FLRT2: variants seen among roughly 807,000 people sequenced by gnomAD.
FLRT2 encodes leucine-rich repeat transmembrane protein FLRT2.
A neutral mutation model predicts 40.0 loss-of-function variants in FLRT2; 15 were observed. The observed-to-expected ratio is 0.38, with a 90% CI of 0.25 to 0.58. FLRT2 has a LOEUF of 0.58. Among genes scored for constraint, FLRT2 ranks in the 20% least tolerant of loss-of-function variants. FLRT2 has a pLI of 0.71. For synonymous variants in FLRT2, 380 were observed against 336.8 expected (o/e 1.13, Z -1.41); for missense variants, 726 against 840.0 (o/e 0.86, Z 1.68).
intron 1 of FLRT2, among the ~76,000 whole-genome samples, chr14:85,555,198 C>A (rs1288846588): frequency 6.6e-6 from 1 of 152,098 alleles, no homozygotes; most frequent in Admixed American, 6.6e-5. Context: ...GGTTAGCAGT[C>A]CTGATAACCT....
rs867641366 is a variant in FLRT2 at position 85,643,315 on chromosome 14, C to A, written c.*19818C>A. On this transcript the variant is annotated 3_prime_UTR_variant, in exon 2 of 2. Coordinates refer to ENST00000330753, the MANE Select transcript of FLRT2 (RefSeq NM_013231.6). ...TTTTTCTTTCTTTCTTTCTTTCTTT[C>A]TTTCTTTCTTTCTTTCTTTCTTTCT... is the stretch of plus-strand genomic sequence containing the variant. The A allele has an allele frequency of 2.0e-4, 21 of 102,872 alleles. No individual in the cohort carries two copies. Among genetic ancestry groups the A allele is most frequent in the African/African-American group, 8.9e-4 (21 of 23,528 alleles). The allele number at this position is 102,872 out of a possible 1,614,324, so 6.4% of individuals were successfully genotyped here.
chr14:85,627,848 T>C lies in FLRT2; in HGVS notation c.*4351T>C, dbSNP rs1237187455. 1 of 167,090 alleles carries C rather than the reference T, an allele frequency of 6.0e-6. No individual in the cohort carries two copies. The highest frequency in any genetic ancestry group is 2.4e-5 in the African/African-American group (1 of 41,444). 10.4% of individuals were successfully genotyped at this position (167,090 alleles called of 1,614,324 possible). ...CTGAGACCTACCATGTCGCACACTT[T>C]GTTAATGACAAACTTCACTCTACAC... On this transcript the variant is annotated 3_prime_UTR_variant, in exon 2 of 2. Transcript: ENST00000330753.
rs1210390362 is a variant in FLRT2, at chr14:85,630,531, G to T, written c.*7034G>T. The T allele has an allele frequency of 6.6e-6, 1 of 152,050 alleles. No homozygotes were observed. The highest frequency in any genetic ancestry group is 2.4e-5 in the African/African-American group (1 of 41,402). The allele number at this position is 152,050 out of a possible 1,614,324, so 9.4% of individuals were successfully genotyped here. A position where few individuals can be genotyped will look rare whatever the true frequency, so the allele number is the denominator to read the frequency against. The stretch of plus-strand genomic sequence containing the variant: ...ATTTACCGAGGCCTGGTAAGTTCTG[G>T]TGCAGAATAAGAATGTTTTCCAGGA... On this transcript the variant is annotated 3_prime_UTR_variant, in exon 2 of 2. Coordinates refer to ENST00000330753, the MANE Select transcript of FLRT2 (RefSeq NM_013231.6).
Position 85,637,320 on chromosome 14 carries a change from C to T in FLRT2, c.*13823C>T, listed in dbSNP as rs1213070544. 6.6e-6 allele frequency: 1 copy of T among 152,132 alleles called. No homozygotes were observed. Among genetic ancestry groups the T allele is most frequent in the Non-Finnish European group, 1.5e-5 (1 of 68,016 alleles). The allele number at this position is 152,132 out of a possible 1,614,324, so 9.4% of individuals were successfully genotyped here. A position where few individuals can be genotyped will look rare whatever the true frequency, so the allele number is the denominator to read the frequency against. On this transcript the variant is annotated 3_prime_UTR_variant, in exon 2 of 2. Coordinates refer to ENST00000330753, the MANE Select transcript of FLRT2 (RefSeq NM_013231.6). Reference sequence around the variant, plus strand: ...CATGGCATAGACATGGTAGGAAAAGCATTAGCTTTGGCGTTCAAATATTGA... The same window carrying T: ...CATGGCATAGACATGGTAGGAAAAGTATTAGCTTTGGCGTTCAAATATTGA...
intron 1 of FLRT2, among the ~76,000 whole-genome samples, chr14:85,564,368 C>T (rs1410588650): frequency 6.6e-6 from 1 of 152,090 alleles, no homozygotes; most frequent in African/African-American, 2.4e-5. Flanking sequence ...CACTGGTTTA[C>T]CTCATTTTAG....
rs1050708243 is a variant in FLRT2 at position 85,624,403 on chromosome 14, A to G, written c.*906A>G. ...GGGAAGAATTATATTGAATGGAATT[A>G]TTTTTGATAATGAGAATTATTTGGG... On this transcript the variant is annotated 3_prime_UTR_variant, in exon 2 of 2. Coordinates refer to ENST00000330753, the MANE Select transcript of FLRT2 (RefSeq NM_013231.6). The G allele has an allele frequency of 1.2e-5, 2 of 167,094 alleles. No individual in the cohort carries two copies. Among genetic ancestry groups the G allele is most frequent in the Non-Finnish European group, 2.9e-5 (2 of 68,124 alleles). 10.4% of individuals were successfully genotyped at this position (167,094 alleles called of 1,614,324 possible). A position where few individuals can be genotyped will look rare whatever the true frequency, so the allele number is the denominator to read the frequency against.
At chr14:85,611,041 A>G (rs1892833386) in intron 1 of FLRT2, among the ~76,000 whole-genome samples, 1 of 152,118 alleles carries the variant, frequency 6.6e-6, no homozygotes, top group Non-Finnish European at 1.5e-5. Flanking sequence ...GATTACAGGC[A>G]CCTGGCACCA....
intron 1 of FLRT2, among the ~76,000 whole-genome samples, chr14:85,602,639 G>A (rs796441028): frequency 1.5e-4 from 23 of 152,108 alleles, no homozygotes; most frequent in African/African-American, 5.5e-4. Context: ...GAAAGAGTGG[G>A]CGTAATTTTG....
intron 1 of FLRT2, among the ~76,000 whole-genome samples, chr14:85,562,358 T>C (rs942758292): frequency 2.6e-5 from 4 of 152,220 alleles, no homozygotes; most frequent in African/African-American, 9.6e-5. Flanking sequence ...TGTGTGTTTC[T>C]TGGGTGTGTG....
intron 1 of FLRT2, among the ~76,000 whole-genome samples, chr14:85,565,690 G>A (rs962157617): frequency 3.9e-5 from 6 of 152,000 alleles, no homozygotes; most frequent in South Asian, 4.2e-4. Flanking sequence ...TTGGCATTTC[G>A]AGTTGTCATG....
In FLRT2 at chr14:85,613,547, T is replaced by C. The variant is rs191374013; in HGVS notation, c.-376-7592T>C. On this transcript the variant is annotated intron_variant, in intron 1 of 1. Coordinates refer to ENST00000330753, the MANE Select transcript of FLRT2 (RefSeq NM_013231.6). Reference sequence around the variant, plus strand: ...TATTCTGAAATATTATCTCACTGATTCCTTATGGGACCTCAGATTGAAGAT... The same window carrying C: ...TATTCTGAAATATTATCTCACTGATCCCTTATGGGACCTCAGATTGAAGAT... Among the ~76,000 whole-genome samples, 134 of 152,336 alleles carry C rather than the reference T, an allele frequency of 8.8e-4. 1 individual carries two copies. The highest frequency in any genetic ancestry group is 1.7e-3 in the Non-Finnish European group (113 of 68,038).
intron 1 of FLRT2, among the ~76,000 whole-genome samples, chr14:85,564,774 C>T (rs1273102080): frequency 3.3e-5 from 5 of 152,224 alleles, no homozygotes; most frequent in African/African-American, 1.2e-4. Context: ...TGCAGCTTCG[C>T]ATCCTCTGCA....
At chr14:85,531,692 G>C (rs1888287448) in intron 1 of FLRT2, among the ~76,000 whole-genome samples, 1 of 152,144 alleles carries the variant, frequency 6.6e-6, no homozygotes, top group South Asian at 2.1e-4. Context: ...CTCACTGTCT[G>C]TTCCCTTCCG....
intron 1 of FLRT2, among the ~76,000 whole-genome samples, chr14:85,541,123 TTC>T (rs1281816966): frequency 6.6e-6 from 1 of 152,194 alleles, no homozygotes; most frequent in Non-Finnish European, 1.5e-5. Flanking sequence ...GATTTTCTTT[TTC>T]CAAATAGGTC....
At position 85,652,786 on chromosome 14, in the gene FLRT2, G is replaced by A. The variant is rs1010364616; in HGVS notation, c.*29289G>A. ...ATAAGAATCCAGAAATTATCAATGA[G>A]TTTTCTTTTTCTATTATTTAAAAAA... On this transcript the variant is annotated 3_prime_UTR_variant, in exon 2 of 2. Transcript: ENST00000330753. 1.3e-5 allele frequency: 2 copies of A among 151,786 alleles called. No individual in the cohort carries two copies. The highest frequency in any genetic ancestry group is 4.8e-5 in the African/African-American group (2 of 41,372). The allele number at this position is 151,786 out of a possible 1,614,324, so 9.4% of individuals were successfully genotyped here.
intron 1 of FLRT2, among the ~76,000 whole-genome samples, chr14:85,565,994 C>T (rs1043497861): frequency 1.3e-5 from 2 of 152,060 alleles, no homozygotes; most frequent in African/African-American, 4.8e-5. Context: ...TGTCAACTGC[C>T]ACCCCTCCCA....
At chr14:85,552,377 T>G (rs1267616586) in intron 1 of FLRT2, among the ~76,000 whole-genome samples, 4 of 152,314 alleles carry the variant, frequency 2.6e-5, no homozygotes, top group Non-Finnish European at 5.9e-5. Flanking sequence ...CTTGAAGAGT[T>G]GCCATGAGGA....
chr14:85,547,209 G>A (rs1024115182), intron 1 of FLRT2, among the ~76,000 whole-genome samples: 42 of 152,096 alleles, frequency 2.8e-4, no homozygotes, highest in Non-Finnish European at 4.7e-4. Flanking sequence ...TCTTTCCAAA[G>A]AAAGTTATTC....
intron 1 of FLRT2, among the ~76,000 whole-genome samples, chr14:85,593,674 C>T (rs1892005884): frequency 1.3e-5 from 2 of 152,142 alleles, no homozygotes; most frequent in South Asian, 4.1e-4. Flanking sequence ...TAGCATTGTT[C>T]GTGTGACAGT....
Sources: allele counts gnomAD v4.1 joint callset (sites outside exome capture counted in the v4.1 genomes callset), GRCh38; gene constraint gnomAD v4.1.1; transcripts MANE v1.5; gene names NCBI Gene and HGNC (gene_info 2026-07-23, HGNC 2026-07-21).